The following ACAP2 variants were observed in gnomAD, a reference collection of about 807,000 sequenced individuals.
ACAP2 encodes arf-GAP with coiled-coil, ANK repeat and PH domain-containing protein 2.
A neutral mutation model predicts 115.8 loss-of-function variants in ACAP2; 39 were observed. The ratio of observed to expected loss-of-function variants is 0.34; its 90% CI spans 0.26 to 0.44. The LOEUF (loss-of-function observed/expected upper bound fraction) is 0.44, where lower values mean the gene tolerates loss of function less well. Among genes scored for constraint, ACAP2 ranks in the 20% least tolerant of loss-of-function variants. The pLI is 1.00. For missense variants in ACAP2, 662 were observed against 927.6 expected, an observed-to-expected ratio of 0.71 and a Z score of 3.72; for synonymous variants, 289 against 315.8, an observed-to-expected ratio of 0.92 and a Z score of 0.90.
rs1214951235 is a variant in ACAP2, at chr3:195,332,960, G to A, written c.669+68C>T. 8.3e-6 allele frequency: 10 copies of A among 1,207,218 alleles called. No homozygotes were observed. The East Asian group carries it at 1.9e-4, about 23-fold the overall frequency. 74.8% of individuals were successfully genotyped at this position (1,207,218 alleles called of 1,614,324 possible). ...GAACAAACTAGTACACCTCCAATAT[G>A]CTAAATTTCTTTAAAAATACAAATA... On this transcript the variant is annotated intron_variant, in intron 8 of 22. Transcript: ENST00000326793.
intron 1 of ACAP2, among the ~76,000 whole-genome samples, chr3:195,427,234 T>G (rs560546077): frequency 1.9e-4 from 29 of 152,296 alleles, no homozygotes; most frequent in African/African-American, 6.5e-4. Context: ...GATTCTTCCC[T>G]AGACCTTCCA....
intron 21 of ACAP2, 133 bp downstream of exon 21, chr3:195,288,988 C>CAG: frequency 1.7e-6 from 1 of 596,498 alleles, no homozygotes; most frequent in South Asian, 2.5e-5. Context: ...AAATACATAC[C>CAG]ATTTTATATA....
chr3:195,290,848 A>ATAAATAAATAATAAAT (rs1346070930), intron 20 of ACAP2, among the ~76,000 whole-genome samples: 2 of 43,576 alleles, frequency 4.6e-5, no homozygotes, highest in East Asian at 1.1e-3. Context: ...AAATAAATAA[A>ATAAATAAATAATAAAT]TAATAAATAA....
chr3:195,313,235 T>C (rs763343849), intron 10 of ACAP2, among the ~76,000 whole-genome samples: 4 of 152,252 alleles, frequency 2.6e-5, no homozygotes, highest in Non-Finnish European at 5.9e-5. Context: ...GTTCTTCAAA[T>C]ACTACATTAC....
At chr3:195,340,576 T>A (rs898584331) in intron 6 of ACAP2, among the ~76,000 whole-genome samples, 7 of 151,248 alleles carry the variant, frequency 4.6e-5, no homozygotes, top group African/African-American at 1.7e-4. Context: ...AAGACAGAAA[T>A]GGAAAAGAAA....
intron 1 of ACAP2, among the ~76,000 whole-genome samples, chr3:195,393,261 A>T (rs1392852706): frequency 6.6e-6 from 1 of 152,150 alleles, no homozygotes; most frequent in Non-Finnish European, 1.5e-5. Flanking sequence ...ACTTGGGCCT[A>T]GGAGGTTGAC....
intron 4 of ACAP2, among the ~76,000 whole-genome samples, chr3:195,348,218 G>A (rs962354619): frequency 1.3e-5 from 2 of 151,982 alleles, no homozygotes; most frequent in African/African-American, 4.8e-5. Context: ...TTTGGGGTGA[G>A]TATATGGATG....
chr3:195,304,735 G>A (rs1427931200), intron 13 of ACAP2, among the ~76,000 whole-genome samples: 2 of 152,300 alleles, frequency 1.3e-5, no homozygotes, highest in East Asian at 1.9e-4. Context: ...AGTCTTCTCT[G>A]GGAAATCACA....
chr3:195,360,592 C>T (rs1396802432), intron 4 of ACAP2, among the ~76,000 whole-genome samples: 3 of 152,098 alleles, frequency 2.0e-5, no homozygotes, highest in South Asian at 2.1e-4. Flanking sequence ...GTCAGGAGTT[C>T]GAGACCAGCC....
At chr3:195,325,383 G>C (rs1729716634) in intron 9 of ACAP2, 1 of 418,500 alleles carries the variant, frequency 2.4e-6, no homozygotes, top group South Asian at 1.8e-5. Flanking sequence ...AACTACAGGA[G>C]ACATACTTTC....
At chr3:195,287,093 G>A (rs558880704) in intron 21 of ACAP2, among the ~76,000 whole-genome samples, 1 of 152,352 alleles carries the variant, frequency 6.6e-6, no homozygotes, top group African/African-American at 2.4e-5. Flanking sequence ...CTCAGTAGGA[G>A]CTCAGGAGTG....
intron 12 of ACAP2, chr3:195,306,852 TAAAA>T (rs36125128): frequency 7.3e-5 from 15 of 206,166 alleles, no homozygotes; most frequent in South Asian, 3.9e-4. Context: ...ACTGAATATT[TAAAA>T]AAAAAAAAAA....
intron 4 of ACAP2, among the ~76,000 whole-genome samples, chr3:195,378,230 C>T (rs574353519): frequency 2.0e-5 from 3 of 152,154 alleles, no homozygotes; most frequent in Non-Finnish European, 2.9e-5. Flanking sequence ...CAGTGGCTGA[C>T]GCCTGTAATC....
At chr3:195,401,985 G>A (rs749100216) in intron 1 of ACAP2, among the ~76,000 whole-genome samples, 8 of 152,028 alleles carry the variant, frequency 5.3e-5, no homozygotes, top group Admixed American at 1.3e-4. Flanking sequence ...GGTAAACTTC[G>A]AACACTGAAG....
intron 4 of ACAP2, among the ~76,000 whole-genome samples, chr3:195,356,712 A>G (rs1230337495): frequency 6.6e-6 from 1 of 152,004 alleles, no homozygotes; most frequent in African/African-American, 2.4e-5. Flanking sequence ...CTCCCGGGTG[A>G]TATTTTTAGA....
intron 12 of ACAP2, 32 bp from the exon 13 acceptor site, chr3:195,306,648 C>T: frequency 1.9e-6 from 3 of 1,543,870 alleles, no homozygotes; most frequent in Non-Finnish European, 2.7e-6. Flanking sequence ...TTTTCTCAGA[C>T]ACTAAGTTAA....
At chr3:195,351,507 C>T (rs1000092650) in intron 4 of ACAP2, among the ~76,000 whole-genome samples, 1 of 137,490 alleles carries the variant, frequency 7.3e-6, no homozygotes, top group Non-Finnish European at 1.5e-5. Context: ...GCTCTGTCAC[C>T]CTGGAGTGCA....
At chr3:195,394,033 A>G (rs1231978529) in intron 1 of ACAP2, among the ~76,000 whole-genome samples, 1 of 152,204 alleles carries the variant, frequency 6.6e-6, no homozygotes, top group Non-Finnish European at 1.5e-5. Context: ...ACTAAATTCT[A>G]GATTGTTTAA....
chr3:195,399,858 T>TA (rs1370615205), intron 1 of ACAP2, among the ~76,000 whole-genome samples: 5 of 151,780 alleles, frequency 3.3e-5, no homozygotes, highest in Non-Finnish European at 7.4e-5. Context: ...TAAAAAAATT[T>TA]AAAAAAAGGA....
Sources: gnomAD v4.1 joint callset for allele counts (sites outside exome capture counted in the v4.1 genomes callset) on GRCh38, gnomAD v4.1.1 for gene constraint, MANE v1.5 for transcripts, NCBI Gene and HGNC (gene_info 2026-07-23, HGNC 2026-07-21) for gene names.